TNNI3K: variants seen among roughly 807,000 people sequenced by gnomAD.
TNNI3K encodes the protein TNNI3 interacting kinase.
A neutral mutation model predicts 114.5 loss-of-function variants in TNNI3K; 140 were observed. That is an observed-to-expected ratio of 1.22 (90% CI 1.07 to 1.41). The LOEUF is 1.41. Among genes scored for constraint, TNNI3K ranks in the 40% most tolerant of loss-of-function variants. TNNI3K has a pLI of 0.00. For synonymous variants in TNNI3K, 347 were observed against 347.5 expected (o/e 1.00, Z 0.02); for missense variants, 1,125 against 1,007.6 (o/e 1.12, Z -1.58).
rs140021559 is a variant in TNNI3K, at chr1:74,460,149, C to G, written c.2012-3292C>G. ...GGAGTGCAGTGGCACGATCTCGACT[C>G]ACTGCAACCTCTGCCTCCCAGGTTG... On this transcript the variant is annotated intron_variant, in intron 20 of 24. Coordinates refer to ENST00000326637, the MANE Select transcript of TNNI3K (RefSeq NM_015978.3). 4.2e-4 allele frequency among the ~76,000 whole-genome samples: 64 copies of G among 151,916 alleles called. No homozygotes were observed. The East Asian group carries it at 0.012, about 28-fold the overall frequency.
At chr1:74,327,602 A>C (rs958149349) in intron 5 of TNNI3K, among the ~76,000 whole-genome samples, 2 of 145,380 alleles carry the variant, frequency 1.4e-5, no homozygotes, top group African/African-American at 5.0e-5. Flanking sequence ...ATTATTATAT[A>C]TTACTATTAT....
At chr1:74,484,220 A>AT (rs1011741751) in intron 21 of TNNI3K, among the ~76,000 whole-genome samples, 1 of 151,600 alleles carries the variant, frequency 6.6e-6, no homozygotes, top group Admixed American at 6.6e-5. Context: ...ATTAAAAAAA[A>AT]AAAAACAAGG....
chr1:74,298,042 A>G (rs1035074535), intron 5 of TNNI3K, among the ~76,000 whole-genome samples: 28 of 152,242 alleles, frequency 1.8e-4, no homozygotes, highest in South Asian at 6.2e-4. Flanking sequence ...ATCTCATTCC[A>G]TTACCACACT....
intron 9 of TNNI3K, among the ~76,000 whole-genome samples, chr1:74,351,154 C>T (rs942357116): frequency 7.9e-5 from 12 of 152,096 alleles, no homozygotes; most frequent in South Asian, 4.2e-4. Context: ...TCTTTTAGGG[C>T]AGGCCTGGTG....
intron 5 of TNNI3K, among the ~76,000 whole-genome samples, chr1:74,325,006 G>A (rs1050983673): frequency 1.3e-5 from 2 of 152,130 alleles, no homozygotes; most frequent in African/African-American, 4.8e-5. Context: ...GCATACCTTC[G>A]GGGAAGAATA....
At chr1:74,364,351 T>A (rs1433649114) in intron 11 of TNNI3K, among the ~76,000 whole-genome samples, 1 of 151,616 alleles carries the variant, frequency 6.6e-6, no homozygotes, top group African/African-American at 2.4e-5. Flanking sequence ...TATCCTGAGG[T>A]TAAAATGGCC....
intron 23 of TNNI3K, among the ~76,000 whole-genome samples, chr1:74,499,946 T>C (rs1669522869): frequency 6.6e-6 from 1 of 152,112 alleles, no homozygotes; most frequent in Non-Finnish European, 1.5e-5. Context: ...TTATTCTGTC[T>C]AGTATTTTTT....
chr1:74,258,736 C>T (rs564139275), intron 4 of TNNI3K, among the ~76,000 whole-genome samples: 1 of 152,288 alleles, frequency 6.6e-6, no homozygotes, highest in East Asian at 1.9e-4. Flanking sequence ...TATAACTTTT[C>T]TGGAATCACT....
intron 20 of TNNI3K, among the ~76,000 whole-genome samples, chr1:74,447,148 C>T (rs71655431): frequency 0.69 from 103,040 of 150,236 alleles, 38,785 homozygotes; most frequent in Middle Eastern, 0.86. Context: ...GCCATTTTCA[C>T]GATATTGATT....
chr1:74,330,707 A>C (rs1224865789), intron 5 of TNNI3K, among the ~76,000 whole-genome samples: 1 of 152,148 alleles, frequency 6.6e-6, no homozygotes, highest in African/African-American at 2.4e-5. Context: ...AAATGGATAG[A>C]AAAAATATTT....
intron 5 of TNNI3K, among the ~76,000 whole-genome samples, chr1:74,274,965 G>T (rs1044144669): frequency 1.3e-5 from 2 of 152,048 alleles, no homozygotes; most frequent in Non-Finnish European, 2.9e-5. Context: ...GGTACTCAAA[G>T]TATAGTTTCC....
chr1:74,458,481 A>G lies in TNNI3K; in HGVS notation c.2012-4960A>G, dbSNP rs192606334. Among the ~76,000 whole-genome samples, 167 of 152,260 alleles carry G rather than the reference A, an allele frequency of 1.1e-3. 1 individual carries two copies. Among genetic ancestry groups the G allele is most frequent in the Admixed American group, 5.1e-3 (78 of 15,300 alleles). On this transcript the variant is annotated intron_variant, in intron 20 of 24. Transcript: ENST00000326637. ...GAAGCACCTCCTCCCATATTTTTGA[A>G]TGAAAGATATTATATTGATTAAATT...
chr1:74,499,441 T>C (rs965747679), intron 23 of TNNI3K, among the ~76,000 whole-genome samples: 8 of 152,224 alleles, frequency 5.3e-5, no homozygotes, highest in African/African-American at 1.9e-4. Context: ...CCACAATAAC[T>C]TTTATTAAAG....
intron 17 of TNNI3K, among the ~76,000 whole-genome samples, chr1:74,426,068 G>A (rs1376381174): frequency 6.6e-6 from 1 of 152,038 alleles, no homozygotes; most frequent in Non-Finnish European, 1.5e-5. Flanking sequence ...AAGGCATATG[G>A]GACTAAGTAC....
Position 74,480,220 on chromosome 1 carries a change from A to G in TNNI3K, c.2122-8969A>G, listed in dbSNP as rs955153883. ...GGAGGAGGGGACTTCTGTCCTTTAG[A>G]ACCAGAGTGAAGTTGGGAGCTTTGG... On this transcript the variant is annotated intron_variant, in intron 21 of 24. Transcript: ENST00000326637. 1.1e-5 allele frequency: 8 copies of G among 717,534 alleles called. No individual in the cohort carries two copies. The Admixed American group carries it at 1.6e-4, about 14-fold the overall frequency. 44.4% of individuals were successfully genotyped at this position (717,534 alleles called of 1,614,324 possible).
At chr1:74,489,807 G>T (rs185277749) in intron 22 of TNNI3K, among the ~76,000 whole-genome samples, 107 of 151,982 alleles carry the variant, frequency 7.0e-4, no homozygotes, top group Middle Eastern at 3.4e-3. Flanking sequence ...CTACACACCT[G>T]GTCAAGAGAT....
chr1:74,237,468 A>T (rs1173046695), intron 2 of TNNI3K, among the ~76,000 whole-genome samples: 2 of 151,998 alleles, frequency 1.3e-5, no homozygotes, highest in Admixed American at 1.3e-4. Flanking sequence ...CATTGAAGAG[A>T]TTTTCCTCAA....
At chr1:74,473,562 G>A (rs1250542744) in intron 21 of TNNI3K, among the ~76,000 whole-genome samples, 1 of 151,358 alleles carries the variant, frequency 6.6e-6, no homozygotes, top group Non-Finnish European at 1.5e-5. Context: ...ACATTGTTAG[G>A]TGTTAGGCCT....
intron 17 of TNNI3K, among the ~76,000 whole-genome samples, chr1:74,423,684 G>C (rs1665501406): frequency 6.6e-6 from 1 of 152,104 alleles, no homozygotes; most frequent in Admixed American, 6.5e-5. Context: ...TTCTTCATAT[G>C]GTTTAACTGT....
Sources: gnomAD v4.1 joint callset for allele counts (sites outside exome capture counted in the v4.1 genomes callset) on GRCh38, gnomAD v4.1.1 for gene constraint, MANE v1.5 for transcripts, NCBI Gene and HGNC (gene_info 2026-07-23, HGNC 2026-07-21) for gene names.